Variants in DNM2 observed in about 807,000 individuals in gnomAD.
DNM2 encodes dynamin-2.
In DNM2, 15 loss-of-function variants were observed where a neutral mutation model predicts 99.0. The ratio of observed to expected loss-of-function variants is 0.15; its 90% CI spans 0.10 to 0.23. The LOEUF (loss-of-function observed/expected upper bound fraction) is 0.23. Among genes scored for constraint, DNM2 ranks in the 10% least tolerant of loss-of-function variants. The pLI is 1.00. For synonymous variants in DNM2, 525 were observed against 481.2 expected (o/e 1.09, Z -1.19); for missense variants, 742 against 1,189.4 (o/e 0.62, Z 5.53).
chr19:10,720,412 C>A (rs1256114931), intron 1 of DNM2, among the ~76,000 whole-genome samples: 1 of 151,822 alleles, frequency 6.6e-6, no homozygotes, highest in African/African-American at 2.4e-5. Flanking sequence ...GGGGTTTCAC[C>A]ATGTTGGCCA....
At position 10,805,593 on chromosome 19, in the gene DNM2, G is replaced by A. The variant is rs577316789; in HGVS notation, c.1494-323G>A. Among the ~76,000 whole-genome samples, 7 of 152,224 alleles carry A rather than the reference G, an allele frequency of 4.6e-5. No homozygotes were observed. The South Asian group carries it at 1.0e-3, about 23-fold the overall frequency. ...CAAGGCTGCAGTGAGCTGTGATTGC[G>A]CCACTGCACTCATCTTAGGCAACAC... On this transcript the variant is annotated intron_variant, in intron 12 of 20. Coordinates refer to ENST00000389253, the MANE Select transcript of DNM2 (RefSeq NM_001005361.3).
chr19:10,764,982 T>C lies in DNM2; in HGVS notation c.235+5171T>C, dbSNP rs1007056721. ...TTTTCTTTTTTTTTTTTTTTTGAGA[T>C]GGAGTCTCGCTGTCGCCCAGGCTGG... On this transcript the variant is annotated intron_variant, in intron 2 of 20. Coordinates refer to ENST00000389253, the MANE Select transcript of DNM2 (RefSeq NM_001005361.3). The surrounding 1 kb of genome is among the most constrained non-coding windows in gnomAD (Gnocchi z 4.1). 6.7e-6 allele frequency among the ~76,000 whole-genome samples: 1 copy of C among 149,660 alleles called. No homozygotes were observed. The highest frequency in any genetic ancestry group is 2.4e-5 in the African/African-American group (1 of 40,846).
intron 1 of DNM2, among the ~76,000 whole-genome samples, chr19:10,747,038 ATTT>A (rs776244156): frequency 7.6e-6 from 1 of 132,432 alleles, no homozygotes; most frequent in Non-Finnish European, 1.6e-5. Flanking sequence ...CACTCAACCA[ATTT>A]TTTTTTTTTT....
At chr19:10,789,821 C>T (rs1189248785) in intron 7 of DNM2, among the ~76,000 whole-genome samples, 4 of 152,108 alleles carry the variant, frequency 2.6e-5, no homozygotes, top group South Asian at 2.1e-4. Flanking sequence ...GCAGACAGAG[C>T]GAGACTGTAT....
intron 14 of DNM2, chr19:10,810,247 AC>A (rs1352171280): frequency 6.5e-6 from 1 of 152,768 alleles, no homozygotes; most frequent in Non-Finnish European, 1.5e-5. Context: ...CTAGCCCGCA[AC>A]GGCCTGCCGC....
Position 10,796,249 on chromosome 19 carries a change from C to G in DNM2, c.1196+810C>G. The G allele has an allele frequency of 6.2e-7, 1 of 1,612,668 alleles. No homozygotes were observed. The highest frequency in any genetic ancestry group is 1.1e-5 in the South Asian group (1 of 90,974). ...TCCTGACCTTGTGGAAACGGGGGTA[C>G]GGGGGTTTGGTATCAGGCTCCCAGC... On this transcript the variant is annotated intron_variant, in intron 9 of 20. Transcript: ENST00000389253. This position sits in a 1 kb window ranked among gnomAD's most constrained non-coding sequence, Gnocchi z 5.6.
At chr19:10,749,854 C>T (rs529063063) in intron 1 of DNM2, among the ~76,000 whole-genome samples, 17 of 152,270 alleles carry the variant, frequency 1.1e-4, no homozygotes, top group African/African-American at 1.9e-4. Context: ...GAGGGAGGGG[C>T]GCAAGCCATC....
Position 10,812,552 on chromosome 19 carries a change from G to A in DNM2, c.1671+175G>A, listed in dbSNP as rs957314754. ...GCCTGTAATCCCAGCACTTTGGGAGGGCGAGGCAGGTAGATCACGAGGTCG... is the reference window on the plus strand; with the variant it reads ...GCCTGTAATCCCAGCACTTTGGGAGAGCGAGGCAGGTAGATCACGAGGTCG... On this transcript the variant is annotated intron_variant, in intron 15 of 20. Transcript: ENST00000389253. The surrounding 1 kb of genome is among the most constrained non-coding windows in gnomAD (Gnocchi z 4.0). 6.6e-6 allele frequency among the ~76,000 whole-genome samples: 1 copy of A among 152,162 alleles called. No individual in the cohort carries two copies. The highest frequency in any genetic ancestry group is 1.5e-5 in the Non-Finnish European group (1 of 68,028).
chr19:10,830,307 C>G lies in DNM2; in HGVS notation c.2472C>G (p.Leu824=), dbSNP rs2146210362. ...AGAGCGTGTTTGCCAACAGTGACCT[C>G]TTCCCAGCCCCGCCTCAGATCCCAT... The part of the protein sequence containing the change: ...GPQSVFANSD[L]FPAPPQIPSR... Residue 824 remains leucine (L), a synonymous_variant, in exon 20 of 21, where the codon CTC becomes CTG. Transcript: ENST00000389253. The surrounding 1 kb of genome is among the most constrained non-coding windows in gnomAD (Gnocchi z 4.8). 6.2e-7 allele frequency: 1 copy of G among 1,613,768 alleles called. No individual in the cohort carries two copies. Among genetic ancestry groups the G allele is most frequent in the Non-Finnish European group, 8.5e-7 (1 of 1,179,910 alleles).
intron 1 of DNM2, among the ~76,000 whole-genome samples, chr19:10,719,536 C>T (rs912358641): frequency 1.3e-5 from 2 of 152,082 alleles, no homozygotes; most frequent in Non-Finnish European, 1.5e-5. Flanking sequence ...GGGGCTGTTT[C>T]CAGGATTCAG....
At chr19:10,747,986 G>A (rs2070052945) in intron 1 of DNM2, among the ~76,000 whole-genome samples, 1 of 152,196 alleles carries the variant, frequency 6.6e-6, no homozygotes, top group African/African-American at 2.4e-5. Flanking sequence ...ACAGTGTCTG[G>A]TGTGTTTCGG....
chr19:10,775,667 G>T lies in DNM2; in HGVS notation c.386-36G>T. ...GGCCTGTTTGTGCCTCCCCTCTCCT[G>T]GCTCTGAATGCCTTTCCTTCTGGTT... is the stretch of plus-strand genomic sequence containing the variant. On this transcript the variant is annotated intron_variant, in intron 3 of 20. Transcript: ENST00000389253. The surrounding 1 kb of genome is among the most constrained non-coding windows in gnomAD (Gnocchi z 4.3). 6.2e-7 allele frequency: 1 copy of T among 1,613,278 alleles called. No individual in the cohort carries two copies.
intron 1 of DNM2, among the ~76,000 whole-genome samples, chr19:10,759,201 A>G (rs1217987117): frequency 1.3e-5 from 2 of 152,168 alleles, no homozygotes; most frequent in Admixed American, 6.5e-5. Flanking sequence ...AAACATCACC[A>G]TAGTCCAGAT....
Position 10,795,495 on chromosome 19 carries a change from C to G in DNM2, c.1196+56C>G. ...CCTTCCTCTCCGTGGTGCGACCCCC[C>G]AGCTAATTGGGTCACCCACACCTCT... On this transcript the variant is annotated intron_variant, in intron 9 of 20. Transcript: ENST00000389253. The surrounding 1 kb of genome is among the most constrained non-coding windows in gnomAD (Gnocchi z 4.2). 6.3e-7 allele frequency: 1 copy of G among 1,599,926 alleles called. No individual in the cohort carries two copies.
intron 3 of DNM2, among the ~76,000 whole-genome samples, chr19:10,773,054 G>C (rs1007940802): frequency 6.9e-6 from 1 of 144,640 alleles, no homozygotes; most frequent in Non-Finnish European, 1.5e-5. Flanking sequence ...ATCTCTGCTC[G>C]CTGCAACCTC....
intron 1 of DNM2, among the ~76,000 whole-genome samples, chr19:10,748,731 C>T (rs954374074): frequency 1.3e-5 from 2 of 152,228 alleles, no homozygotes; most frequent in African/African-American, 4.8e-5. Context: ...GAGACTGAAC[C>T]TCAGTCCACC....
chr19:10,769,523 A>C (rs541355513), intron 2 of DNM2: 1 of 152,416 alleles, frequency 6.6e-6, no homozygotes, highest in South Asian at 2.1e-4. Context: ...CCTTGCCACC[A>C]GCCCATCTTC....
intron 1 of DNM2, chr19:10,718,646 G>A (rs2068833191): frequency 2.4e-6 from 1 of 420,056 alleles, no homozygotes; most frequent in Non-Finnish European, 3.8e-6. Context: ...TAGGACAGGA[G>A]GTGCGCTGGA....
intron 7 of DNM2, among the ~76,000 whole-genome samples, chr19:10,787,345 C>T (rs575980490): frequency 3.8e-4 from 58 of 152,106 alleles, no homozygotes; most frequent in African/African-American, 1.4e-3. Flanking sequence ...GTGGTGGGCG[C>T]CTGTGGTCCC....
Sources: allele counts gnomAD v4.1 joint callset (sites outside exome capture counted in the v4.1 genomes callset), GRCh38; gene constraint gnomAD v4.1.1; non-coding constraint Gnocchi (gnomAD v3.1); transcripts MANE v1.5; gene names NCBI Gene and HGNC (gene_info 2026-07-23, HGNC 2026-07-21).